CDC42SE2: variants seen among roughly 807,000 people sequenced by gnomAD.
CDC42SE2 encodes the protein CDC42 small effector protein 2.
A neutral mutation model predicts 11.5 loss-of-function variants in CDC42SE2; 3 were observed. The observed-to-expected ratio is 0.26, with a 90% confidence interval of 0.12 to 0.67. The LOEUF (loss-of-function observed/expected upper bound fraction) is 0.67, where lower values mean the gene tolerates loss of function less well. Among genes scored for constraint, CDC42SE2 ranks in the 30% least tolerant of loss-of-function variants. The pLI is 0.80. For synonymous variants in CDC42SE2, 33 were observed against 34.8 expected (o/e 0.95, Z 0.18); for missense variants, 82 against 106.8 (o/e 0.77, Z 1.02).
intron 1 of CDC42SE2, among the ~76,000 whole-genome samples, chr5:131,306,945 C>G (rs1322591549): frequency 1.3e-5 from 2 of 151,578 alleles, no homozygotes; most frequent in Admixed American, 6.6e-5. Context: ...GATTTTGTAC[C>G]CTGCAACTTT....
chr5:131,284,431 G>A (rs895038623), intron 1 of CDC42SE2, among the ~76,000 whole-genome samples: 4 of 152,128 alleles, frequency 2.6e-5, no homozygotes, highest in Non-Finnish European at 4.4e-5. Context: ...AAAATTGTAC[G>A]TGTACAACTG....
chr5:131,332,507 G>A (rs1413801300), intron 2 of CDC42SE2, among the ~76,000 whole-genome samples: 1 of 151,950 alleles, frequency 6.6e-6, no homozygotes, highest in East Asian at 1.9e-4. Flanking sequence ...TGGATCAAAT[G>A]GTATTTCTAG....
intron 1 of CDC42SE2, among the ~76,000 whole-genome samples, chr5:131,297,162 T>C (rs1757586595): frequency 6.6e-6 from 1 of 150,500 alleles, no homozygotes; most frequent in Non-Finnish European, 1.5e-5. Context: ...ATATTCTTTT[T>C]TTTTTTTTTT....
chr5:131,234,552 C>CT, the CDC42SE2 span, among the ~76,000 whole-genome samples: 2 of 151,464 alleles, frequency 1.3e-5, no homozygotes. Flanking sequence ...AGGAGAATTG[C>CT]TTGAACCTGG....
intron 1 of CDC42SE2, among the ~76,000 whole-genome samples, chr5:131,279,154 G>T (rs1172710440): frequency 6.6e-6 from 1 of 152,114 alleles, no homozygotes; most frequent in Non-Finnish European, 1.5e-5. Flanking sequence ...TTTCTTTATG[G>T]TGGTCAGTGG....
chr5:131,337,949 C>G (rs895797350), intron 2 of CDC42SE2, among the ~76,000 whole-genome samples: 3 of 151,530 alleles, frequency 2.0e-5, no homozygotes, highest in Non-Finnish European at 3.0e-5. Flanking sequence ...TGCTTCCGCT[C>G]ACGCACAGTG....
chr5:131,284,752 T>C (rs897093210), intron 1 of CDC42SE2, among the ~76,000 whole-genome samples: 1 of 152,192 alleles, frequency 6.6e-6, no homozygotes, highest in Non-Finnish European at 1.5e-5. Context: ...TGATTACAGA[T>C]GTAAGCTACT....
In CDC42SE2 at chr5:131,347,616, A is replaced by T. The variant is rs1190429510; in HGVS notation, c.-285-11593A>T. ...TCCTTCTGAAACTACTCCAATCAAT[A>T]GAAAAAGAGGGAATCTTCCCCAATT... is the stretch of plus-strand genomic sequence containing the variant. On this transcript the variant is annotated intron_variant, in intron 2 of 4. Coordinates refer to ENST00000505065, the MANE Select transcript of CDC42SE2 (RefSeq NM_001375635.1). Among the ~76,000 whole-genome samples the T allele has an allele frequency of 3.9e-5, 6 of 152,224 alleles. No individual in the cohort carries two copies. The East Asian group carries it at 1.2e-3, about 29-fold the overall frequency.
intron 1 of CDC42SE2, chr5:131,245,715 T>C (rs1163025909): frequency 1.3e-5 from 2 of 152,244 alleles, no homozygotes; most frequent in African/African-American, 4.8e-5. Context: ...CTTAATCATA[T>C]TACTTGAAGT....
intron 3 of CDC42SE2, among the ~76,000 whole-genome samples, chr5:131,380,699 C>T (rs1750295556): frequency 6.6e-6 from 1 of 152,126 alleles, no homozygotes; most frequent in African/African-American, 2.4e-5. Context: ...ACCTCTTTTA[C>T]TGGATCTTTC....
chr5:131,351,071 C>T lies in CDC42SE2; in HGVS notation c.-285-8138C>T, dbSNP rs569376269. On this transcript the variant is annotated intron_variant, in intron 2 of 4. Coordinates refer to ENST00000505065, the MANE Select transcript of CDC42SE2 (RefSeq NM_001375635.1). ...AGTGATCCTCCTGCCTCAGCCCCTCCAAGTAACTGGGACTACAGGTGTGTG... is the reference window on the plus strand; with the variant it reads ...AGTGATCCTCCTGCCTCAGCCCCTCTAAGTAACTGGGACTACAGGTGTGTG... Among the ~76,000 whole-genome samples, 15 of 152,104 alleles carry T rather than the reference C, an allele frequency of 9.9e-5. No individual in the cohort carries two copies. In the South Asian group the frequency reaches 3.1e-3, roughly 32 times the overall value.
chr5:131,251,857 T>C (rs1317672060), intron 1 of CDC42SE2, among the ~76,000 whole-genome samples: 8 of 151,766 alleles, frequency 5.3e-5, no homozygotes, highest in Non-Finnish European at 8.8e-5. Flanking sequence ...TACAAAAAAA[T>C]AAAAATTAAC....
At chr5:131,309,142 G>A (rs1184065465) in intron 1 of CDC42SE2, among the ~76,000 whole-genome samples, 1 of 152,160 alleles carries the variant, frequency 6.6e-6, no homozygotes, top group Admixed American at 6.5e-5. Flanking sequence ...TTTATTGAGA[G>A]TTTTTAGCAA....
chr5:131,334,770 T>G (rs569141390), intron 2 of CDC42SE2, among the ~76,000 whole-genome samples: 1 of 152,222 alleles, frequency 6.6e-6, no homozygotes, highest in African/African-American at 2.4e-5. Flanking sequence ...TTTATAGTAT[T>G]CTCTGATGGT....
chr5:131,385,653 G>A lies in CDC42SE2; in HGVS notation c.156+9G>A. 6.3e-7 allele frequency: 1 copy of A among 1,575,394 alleles called. No homozygotes were observed. Among genetic ancestry groups the A allele is most frequent in the Non-Finnish European group, 8.7e-7 (1 of 1,145,484 alleles). ...TCAGTGGAATGAATTCAGTAAGTAT[G>A]TTGGTGGGACATGCAGGTAGGGCAT... On this transcript the variant is annotated intron_variant, in intron 4 of 4. Transcript: ENST00000505065.
chr5:131,271,336 A>C (rs750756233), intron 1 of CDC42SE2, among the ~76,000 whole-genome samples: 4 of 152,308 alleles, frequency 2.6e-5, no homozygotes, highest in East Asian at 1.9e-4. Flanking sequence ...AGACCCTCCA[A>C]ATCATCAGAT....
chr5:131,332,075 T>A (rs1360657165), intron 2 of CDC42SE2, among the ~76,000 whole-genome samples: 1 of 152,192 alleles, frequency 6.6e-6, no homozygotes. Context: ...CATTAACTTA[T>A]AATTTAGCAT....
upstream of CDC42SE2, among the ~76,000 whole-genome samples, chr5:131,244,330 A>G (rs1410346491): frequency 1.3e-5 from 2 of 152,264 alleles, no homozygotes; most frequent in Non-Finnish European, 2.9e-5. Context: ...AGATTTGAAC[A>G]ATATGGTTAG....
At chr5:131,388,590 C>T (rs1561439417) in intron 4 of CDC42SE2, among the ~76,000 whole-genome samples, 1 of 152,006 alleles carries the variant, frequency 6.6e-6, no homozygotes, top group Non-Finnish European at 1.5e-5. Flanking sequence ...TTTCTACTAC[C>T]CTCTTTCCAG....
Sources: allele counts gnomAD v4.1 joint callset (sites outside exome capture counted in the v4.1 genomes callset), GRCh38; gene constraint gnomAD v4.1.1; transcripts MANE v1.5; gene names NCBI Gene and HGNC (gene_info 2026-07-23, HGNC 2026-07-21).